Variants in SNRPD1 observed in about 807,000 individuals in gnomAD.
SNRPD1 encodes small nuclear ribonucleoprotein Sm D1.
In SNRPD1, 1 loss-of-function variant was observed where a neutral mutation model predicts 14.4. That is an observed-to-expected ratio of 0.07 (90% confidence interval 0.02 to 0.33). The LOEUF is 0.33. Ranked by LOEUF, SNRPD1 falls within the 10% of genes least tolerant of loss-of-function variation. SNRPD1 has a pLI of 1.00. For synonymous variants in SNRPD1, 42 were observed against 50.3 expected (o/e 0.83, Z 0.70); for missense variants, 52 against 146.4 (o/e 0.36, Z 3.33).
intron 1 of SNRPD1, among the ~76,000 whole-genome samples, chr18:21,614,820 TC>T (rs1362165515): frequency 2.6e-4 from 39 of 152,194 alleles, no homozygotes; most frequent in African/African-American, 8.9e-4. Flanking sequence ...GAAAGATTCA[TC>T]TGAAAATAAT....
Position 21,629,146 on chromosome 18 carries a change from C to G in SNRPD1, c.*8C>G. The G allele has an allele frequency of 6.3e-7, 1 of 1,597,036 alleles. No homozygotes were observed. The highest frequency in any genetic ancestry group is 8.6e-7 in the Non-Finnish European group (1 of 1,164,826). ...GGGGGTCCTAGGCGATAATGTCTCT[C>G]AAGATTTCAAAGTCATATGAGATTT... On this transcript the variant is annotated 3_prime_UTR_variant, in exon 4 of 4. Coordinates refer to ENST00000300413, the MANE Select transcript of SNRPD1 (RefSeq NM_006938.4).
chr18:21,627,431 T>TG (rs1281769385), intron 3 of SNRPD1, among the ~76,000 whole-genome samples: 10 of 146,326 alleles, frequency 6.8e-5, no homozygotes, highest in African/African-American at 2.3e-4. Context: ...TTTCTTTTCT[T>TG]GGGTTTTTTT....
intron 1 of SNRPD1, among the ~76,000 whole-genome samples, 164 bp downstream of exon 1, chr18:21,612,607 C>T (rs920733589): frequency 6.6e-6 from 1 of 152,286 alleles, no homozygotes; most frequent in Non-Finnish European, 1.5e-5. Flanking sequence ...GCCTGGGCTT[C>T]CGCCTGGGTC....
intron 3 of SNRPD1, among the ~76,000 whole-genome samples, chr18:21,628,023 T>C (rs1180535379): frequency 1.3e-5 from 2 of 152,152 alleles, no homozygotes; most frequent in Admixed American, 1.3e-4. Context: ...AAATGTCCCT[T>C]AATTAGCATC....
chr18:21,613,324 C>T (rs1172715422), intron 1 of SNRPD1, among the ~76,000 whole-genome samples: 1 of 152,186 alleles, frequency 6.6e-6, no homozygotes, highest in African/African-American at 2.4e-5. Flanking sequence ...TTTCTAATAG[C>T]TAAGCCAGCA....
At chr18:21,613,541 A>G (rs1483348979) in intron 1 of SNRPD1, among the ~76,000 whole-genome samples, 2 of 152,178 alleles carry the variant, frequency 1.3e-5, no homozygotes, top group African/African-American at 2.4e-5. Flanking sequence ...AACGTTTTAA[A>G]TAACACATAA....
In SNRPD1 at chr18:21,612,407, C is replaced by T. The variant is rs200391307; in HGVS notation, c.-23C>T. On this transcript the variant is annotated 5_prime_UTR_variant, in exon 1 of 4. Transcript: ENST00000300413. ...GAAGGATTCTGTGTGCTGTCGGACC[C>T]AGAGGGTGACGGCGCCGCTAGGATG... The T allele has an allele frequency of 9.0e-6, 14 of 1,550,712 alleles. No homozygotes were observed. The African/African-American group carries it at 1.4e-4, about 15-fold the overall frequency.
chr18:21,618,541 G>A (rs1040000238), intron 1 of SNRPD1, among the ~76,000 whole-genome samples: 6 of 151,570 alleles, frequency 4.0e-5, no homozygotes, highest in African/African-American at 7.3e-5. Flanking sequence ...TAGTAAATTC[G>A]TGTAAAAGAT....
intron 1 of SNRPD1, 97 bp from the exon 2 acceptor site, chr18:21,622,628 C>A: frequency 1.5e-6 from 1 of 650,306 alleles, no homozygotes; most frequent in Admixed American, 2.6e-5. Context: ...CAGATAGCAT[C>A]TAGCAAATTT....
At chr18:21,618,866 G>C (rs2038976776) in intron 1 of SNRPD1, among the ~76,000 whole-genome samples, 1 of 151,996 alleles carries the variant, frequency 6.6e-6, no homozygotes, top group Non-Finnish European at 1.5e-5. Context: ...AAACATTTCA[G>C]CCAACATTAT....
chr18:21,623,248 C>T (rs2039011603), intron 2 of SNRPD1, among the ~76,000 whole-genome samples: 1 of 152,202 alleles, frequency 6.6e-6, no homozygotes, highest in Non-Finnish European at 1.5e-5. Flanking sequence ...CGTGCCACCA[C>T]ACCCAGCTAA....
intron 3 of SNRPD1, among the ~76,000 whole-genome samples, chr18:21,627,148 A>G (rs2039046294): frequency 6.6e-6 from 1 of 152,064 alleles, no homozygotes; most frequent in South Asian, 2.1e-4. Flanking sequence ...GGGCGCCTGC[A>G]GTCCCAGCTA....
intron 1 of SNRPD1, among the ~76,000 whole-genome samples, chr18:21,618,682 A>C (rs867506326): frequency 1.1e-4 from 17 of 152,290 alleles, no homozygotes; most frequent in South Asian, 2.1e-4. Flanking sequence ...TCGTTGAGAA[A>C]AACGTTTTCT....
intron 1 of SNRPD1, among the ~76,000 whole-genome samples, chr18:21,620,243 C>T (rs538027546): frequency 4.6e-5 from 7 of 151,916 alleles, no homozygotes; most frequent in Non-Finnish European, 1.0e-4. Context: ...CATGAGCTAC[C>T]GCACCCGGCC....
intron 1 of SNRPD1, among the ~76,000 whole-genome samples, chr18:21,612,696 T>C (rs1370100906): frequency 6.6e-6 from 1 of 152,260 alleles, no homozygotes; most frequent in Non-Finnish European, 1.5e-5. Context: ...CTTAGAGGCT[T>C]TAAAGATGCA....
chr18:21,629,259 A>G lies in SNRPD1; in HGVS notation c.*121A>G. On this transcript the variant is annotated 3_prime_UTR_variant, in exon 4 of 4. Coordinates refer to ENST00000300413, the MANE Select transcript of SNRPD1 (RefSeq NM_006938.4). ...CAGAGCTGTCTATTTAGTATATCAA[A>G]GTTTTAGTAGTTTCCTCCACATTCA... 1.4e-6 allele frequency: 1 copy of G among 706,302 alleles called. No individual in the cohort carries two copies. Among genetic ancestry groups the G allele is most frequent in the Non-Finnish European group, 2.5e-6 (1 of 401,730 alleles). 43.8% of individuals were successfully genotyped at this position (706,302 alleles called of 1,614,324 possible).
chr18:21,613,444 A>G (rs2038934506), intron 1 of SNRPD1, among the ~76,000 whole-genome samples: 1 of 152,188 alleles, frequency 6.6e-6, no homozygotes, highest in South Asian at 2.1e-4. Context: ...AGGATTTTTT[A>G]AAAGGCAGAG....
chr18:21,627,124 C>A (rs1271755804), intron 3 of SNRPD1, among the ~76,000 whole-genome samples: 1 of 151,892 alleles, frequency 6.6e-6, no homozygotes, highest in Non-Finnish European at 1.5e-5. Context: ...AAAAAAGTAG[C>A]TGGGCGTGGT....
chr18:21,613,628 G>A (rs763785822), intron 1 of SNRPD1, among the ~76,000 whole-genome samples: 8 of 151,826 alleles, frequency 5.3e-5, no homozygotes, highest in Non-Finnish European at 1.0e-4. Flanking sequence ...AGGCCAAGGC[G>A]GGTGGATCAC....
Sources: allele counts gnomAD v4.1 joint callset (sites outside exome capture counted in the v4.1 genomes callset), GRCh38; gene constraint gnomAD v4.1.1; transcripts MANE v1.5; gene names NCBI Gene and HGNC (gene_info 2026-07-23, HGNC 2026-07-21).